The following CAPS2 variants were observed in gnomAD, a reference collection of about 807,000 sequenced individuals.
The protein encoded by CAPS2 is calcyphosine 2.
Under a neutral mutation model 86.5 loss-of-function variants are expected in CAPS2, and 98 were observed. The ratio of observed to expected loss-of-function variants is 1.13; its 90% CI spans 0.96 to 1.34. The LOEUF is 1.34. Ranked by LOEUF, CAPS2 falls within the 40% of genes most tolerant of loss-of-function variation. CAPS2 has a pLI of 0.00. For missense variants in CAPS2, 729 were observed against 686.8 expected (o/e 1.06, Z -0.69); for synonymous variants, 210 against 225.1 (o/e 0.93, Z 0.60).
chr12:75,381,309 G>A (rs887632766), intron 1 of CAPS2, among the ~76,000 whole-genome samples: 18 of 152,212 alleles, frequency 1.2e-4, no homozygotes, highest in African/African-American at 3.6e-4. Flanking sequence ...CTAGCCATGC[G>A]GAACCGTACT....
intron 11 of CAPS2, 54 bp downstream of exon 11, chr12:75,298,633 T>A: frequency 7.2e-7 from 1 of 1,390,624 alleles, no homozygotes; most frequent in Non-Finnish European, 1.0e-6. Flanking sequence ...TCCATGGGAC[T>A]CCACAAAATC....
At chr12:75,298,364 A>G (rs2037252480) in intron 11 of CAPS2, 1 of 262,852 alleles carries the variant, frequency 3.8e-6, no homozygotes, top group Admixed American at 4.8e-5. Flanking sequence ...TAATATTGAG[A>G]TAGCCACTCA....
chr12:75,344,519 T>C (rs931805738), intron 1 of CAPS2, among the ~76,000 whole-genome samples: 3 of 152,182 alleles, frequency 2.0e-5, no homozygotes, highest in Non-Finnish European at 4.4e-5. Context: ...TTCTCTTTCA[T>C]CTAGCTTTTT....
exon 17 of CAPS2, chr12:75,278,212 A>G (rs1460918528): frequency 1.0e-6 from 1 of 981,384 alleles, no homozygotes; most frequent in African/African-American, 1.8e-5. Context: ...CATTAGAATA[A>G]CTACATTGTG....
chr12:75,351,710 C>A (rs1021645792), intron 1 of CAPS2, among the ~76,000 whole-genome samples: 2 of 152,106 alleles, frequency 1.3e-5, no homozygotes, highest in African/African-American at 4.8e-5. Flanking sequence ...CCACACCCAG[C>A]TAATTTTTGT....
At chr12:75,312,859 G>C (rs1249843107) in exon 7 of CAPS2, 6 of 1,584,386 alleles carry the variant, frequency 3.8e-6, no homozygotes, top group Non-Finnish European at 5.2e-6. Context: ...TAGATAAGTG[G>C]TCTATCATCA....
chr12:75,390,798 A>C (rs556385866), intron 1 of CAPS2: 6 of 556,742 alleles, frequency 1.1e-5, no homozygotes, highest in South Asian at 7.7e-5. Flanking sequence ...ATTCGGGATA[A>C]CATTTCACTA....
chr12:75,316,436 T>C lies in CAPS2; in HGVS notation c.469-2A>G, dbSNP rs1436043175. 2.0e-6 allele frequency: 3 copies of C among 1,533,000 alleles called. No individual in the cohort carries two copies. Among genetic ancestry groups the C allele is most frequent in the Admixed American group, 2.1e-5 (1 of 47,110 alleles). 95.0% of individuals were successfully genotyped at this position (1,533,000 alleles called of 1,614,324 possible). A position where few individuals can be genotyped will look rare whatever the true frequency, so the allele number is the denominator to read the frequency against. ...GTTGGCTTCTTCATCTTGCACACAC[T>C]ATGCATGAAAGAAATAAATGAAGCA... On this transcript the variant is annotated splice_acceptor_variant, in intron 5 of 16. Coordinates refer to ENST00000393284, the Ensembl canonical transcript of CAPS2. LOFTEE classifies it high-confidence loss of function.
intron 7 of CAPS2, chr12:75,305,661 C>G: frequency 1.6e-6 from 1 of 644,064 alleles, no homozygotes; most frequent in Non-Finnish European, 2.9e-6. Flanking sequence ...GCCCACCAGG[C>G]CCCTAGCACT....
At position 75,347,414 on chromosome 12, in the gene CAPS2, G is replaced by A. The variant is rs189129308; in HGVS notation, c.-394-24192C>T. On this transcript the variant is annotated intron_variant, in intron 1 of 5. Coordinates refer to the CAPS2 transcript ENST00000551829. The stretch of plus-strand genomic sequence containing the variant: ...TTGATTTATAAGAATTACCAGTAAG[G>A]AAAAACTAGCTTGGTAGCTCTCATA... Among the ~76,000 whole-genome samples the A allele has an allele frequency of 1.0e-3, 154 of 151,952 alleles. 1 individual carries two copies. Among genetic ancestry groups the A allele is most frequent in the Non-Finnish European group, 1.5e-3 (99 of 67,928 alleles).
upstream of CAPS2, among the ~76,000 whole-genome samples, chr12:75,330,514 TGAG>T (rs2041214483): frequency 6.6e-6 from 1 of 152,364 alleles, no homozygotes; most frequent in East Asian, 1.9e-4. Flanking sequence ...AATGACGTTT[TGAG>T]GAGAAGAAAT....
At chr12:75,390,157 G>A (rs2045505623) in intron 1 of CAPS2, among the ~76,000 whole-genome samples, 1 of 152,042 alleles carries the variant, frequency 6.6e-6, no homozygotes, top group African/African-American at 2.4e-5. Context: ...ACTAATACTT[G>A]CTTTTTTTCC....
intron 1 of CAPS2, among the ~76,000 whole-genome samples, chr12:75,345,255 C>A (rs1044351917): frequency 2.6e-5 from 4 of 152,072 alleles, no homozygotes; most frequent in African/African-American, 9.7e-5. Context: ...GACAATTATA[C>A]AGTTTCTATC....
intron 14 of CAPS2, 94 bp from the exon 15 acceptor site, chr12:75,285,174 C>T: frequency 8.9e-7 from 1 of 1,117,514 alleles, no homozygotes; most frequent in Non-Finnish European, 1.2e-6. Flanking sequence ...TTCTGTAGTC[C>T]TAGATATAAC....
chr12:75,334,463 A>C, upstream of CAPS2: 2 of 1,274,146 alleles, frequency 1.6e-6, no homozygotes, highest in African/African-American at 1.5e-5. Flanking sequence ...GATCCACAGA[A>C]AGCAGTTTGG....
At chr12:75,319,232 T>G (rs2040070693) in intron 5 of CAPS2, among the ~76,000 whole-genome samples, 1 of 152,170 alleles carries the variant, frequency 6.6e-6, no homozygotes, top group South Asian at 2.1e-4. Context: ...TTTGGATGTT[T>G]GTCCCCTCTA....
intron 7 of CAPS2, chr12:75,305,546 C>A (rs11831229): frequency 1.6e-6 from 1 of 623,228 alleles, no homozygotes; most frequent in South Asian, 1.4e-5. Context: ...GGCGTTCCTC[C>A]GTCCGCGACC....
At chr12:75,347,138 T>C (rs1238709435) in intron 1 of CAPS2, among the ~76,000 whole-genome samples, 2 of 152,040 alleles carry the variant, frequency 1.3e-5, no homozygotes, top group Non-Finnish European at 2.9e-5. Context: ...AATATGTTTT[T>C]CATTCCTACC....
rs935415823 is a variant in CAPS2 at position 75,278,669 on chromosome 12, C to T, written c.*221G>A. On this transcript the variant is annotated 3_prime_UTR_variant, in exon 17 of 17. Transcript: ENST00000393284. ...ATGTAAGGACATGTGAACAGGCATACACATGCACAAACACTAACACACCCC... is the reference window on the plus strand; with the variant it reads ...ATGTAAGGACATGTGAACAGGCATATACATGCACAAACACTAACACACCCC... The T allele has an allele frequency of 1.5e-5, 19 of 1,234,050 alleles. No homozygotes were observed. The African/African-American group carries it at 2.5e-4, about 16-fold the overall frequency. The allele number at this position is 1,234,050 out of a possible 1,614,324, so 76.4% of individuals were successfully genotyped here.
Sources: gnomAD v4.1 joint callset for allele counts (sites outside exome capture counted in the v4.1 genomes callset) on GRCh38, gnomAD v4.1.1 for gene constraint, MANE v1.5 for transcripts, NCBI Gene and HGNC (gene_info 2026-07-23, HGNC 2026-07-21) for gene names.